LMTK2: variants seen among roughly 807,000 people sequenced by gnomAD.
LMTK2 encodes the protein serine/threonine-protein kinase LMTK2.
Under a neutral mutation model 127.5 loss-of-function variants are expected in LMTK2, and 37 were observed. That is an observed-to-expected ratio of 0.29 (90% CI 0.22 to 0.38). The LOEUF (loss-of-function observed/expected upper bound fraction) is 0.38. Among genes scored for constraint, LMTK2 ranks in the 10% least tolerant of loss-of-function variants. LMTK2 has a pLI of 1.00. For missense variants in LMTK2, 1,694 were observed against 1,920.3 expected, an observed-to-expected ratio of 0.88 and a Z score of 2.20; for synonymous variants, 819 against 810.1, an observed-to-expected ratio of 1.01 and a Z score of -0.19.
chr7:98,177,459 T>C (rs1466599002), intron 7 of LMTK2, among the ~76,000 whole-genome samples: 3 of 152,196 alleles, frequency 2.0e-5, no homozygotes, highest in Non-Finnish European at 2.9e-5. Flanking sequence ...GCCAGTTCAC[T>C]CAAAGAATTC....
intron 7 of LMTK2, among the ~76,000 whole-genome samples, chr7:98,180,578 G>A (rs1036614860): frequency 6.6e-6 from 1 of 152,144 alleles, no homozygotes; most frequent in African/African-American, 2.4e-5. Context: ...TAATTGTTCT[G>A]TGTCTTGAAA....
intron 3 of LMTK2, among the ~76,000 whole-genome samples, chr7:98,148,881 C>T (rs953533259): frequency 5.9e-5 from 9 of 152,170 alleles, no homozygotes; most frequent in Admixed American, 4.6e-4. Context: ...TTTCTGAGTA[C>T]GCATCCTGCC....
chr7:98,181,865 G>T (rs754353585), intron 7 of LMTK2, among the ~76,000 whole-genome samples: 3 of 152,104 alleles, frequency 2.0e-5, no homozygotes, highest in Non-Finnish European at 4.4e-5. Context: ...CACCATGTTG[G>T]CCAGGAAGGT....
chr7:98,135,820 A>G (rs551694449), intron 1 of LMTK2, among the ~76,000 whole-genome samples: 82 of 152,206 alleles, frequency 5.4e-4, no homozygotes, highest in Non-Finnish European at 9.6e-4. Flanking sequence ...AGGCGGTAAA[A>G]TATTTTAGGC....
At chr7:98,122,726 G>GTGTGTGTGTGTA (rs1416979353) in intron 1 of LMTK2, among the ~76,000 whole-genome samples, 1 of 14,246 alleles carries the variant, frequency 7.0e-5, no homozygotes, top group African/African-American at 1.8e-4. Context: ...GTGTGTGTGT[G>GTGTGTGTGTGTA]TATATATATA....
intron 11 of LMTK2, among the ~76,000 whole-genome samples, chr7:98,202,816 C>G (rs112843564): frequency 6.6e-6 from 1 of 152,182 alleles, no homozygotes; most frequent in East Asian, 1.9e-4. Flanking sequence ...CCTTTTTGAG[C>G]TCCTCCCTCT....
intron 1 of LMTK2, among the ~76,000 whole-genome samples, chr7:98,133,058 A>T (rs1796546153): frequency 6.6e-6 from 1 of 152,250 alleles, no homozygotes; most frequent in African/African-American, 2.4e-5. Context: ...GGTAGCTATT[A>T]AAATGCTTTG....
At chr7:98,197,133 C>T (rs1378101879) in intron 11 of LMTK2, among the ~76,000 whole-genome samples, 1 of 152,364 alleles carries the variant, frequency 6.6e-6, no homozygotes, top group East Asian at 1.9e-4. Flanking sequence ...GTCAGTTCAG[C>T]AAATACTTAA....
In LMTK2 at chr7:98,154,868, A is replaced by G. The variant is rs969982552; in HGVS notation, c.561A>G (p.Glu187=). Residue 187 remains glutamate, a synonymous_variant, in exon 5 of 14, where the codon GAA becomes GAG. Transcript: ENST00000297293. ...AAGATACTTTTTTGAAAAATGGAGAACCTTACTAGTAAGTAAACCTTGTCA... is the reference window on the plus strand; with the variant it reads ...AAGATACTTTTTTGAAAAATGGAGAGCCTTACTAGTAAGTAAACCTTGTCA... The part of the protein sequence containing the change: ...KEQDTFLKNG[E]PYYILQHPNI... The G allele has an allele frequency of 6.3e-7, 1 of 1,578,962 alleles. No homozygotes were observed. Among genetic ancestry groups the G allele is most frequent in the African/African-American group, 1.3e-5 (1 of 74,296 alleles).
Position 98,194,092 on chromosome 7 carries a change from TAGC to T in LMTK2, c.3631_3633del (p.Ser1211del), listed in dbSNP as rs769792779. The stretch of plus-strand genomic sequence containing the variant: ...CCTGGAGTGTGCTGAATGCAGAACT[TAGC>T]AGCGGCGATGACTTCGAGACACAGG... On this transcript the variant is annotated inframe_deletion, in exon 11 of 14. Transcript: ENST00000297293. This position sits in a 1 kb window ranked among gnomAD's most constrained non-coding sequence, Gnocchi z 5.4. 6.8e-6 allele frequency: 11 copies of T among 1,614,040 alleles called. No homozygotes were observed. The highest frequency in any genetic ancestry group is 5.5e-5 in the South Asian group (5 of 91,078).
At position 98,192,629 on chromosome 7, in the gene LMTK2, A is replaced by G. The variant is rs1797549157; in HGVS notation, c.2164A>G (p.Asn722Asp). ...DPLNVQELSENFLFLQEKNLL... is the reference protein window; with the variant it reads ...DPLNVQELSEDFLFLQEKNLL... ...ATTGAATGTTCAAGAATTGTCAGAA[A>G]ACTTTTTATTTCTTCAAGAGAAAAA... Residue 722 changes from asparagine (N) to aspartate (D), a missense_variant, in exon 11 of 14, where the codon AAC (asparagine) becomes GAC (aspartate). Physicochemically the swap from Asn to Asp is conservative, Grantham distance 23 (BLOSUM62 1). Around this residue, in one of 8 missense-constraint regions of LMTK2, gnomAD observed 527 missense variants for 539.8 expected, o/e 0.98. Transcript: ENST00000297293. 3 of 1,612,380 alleles carry G rather than the reference A, an allele frequency of 1.9e-6. No homozygotes were observed. The highest frequency in any genetic ancestry group is 2.2e-5 in the South Asian group (2 of 90,448).
intron 13 of LMTK2, 99 bp downstream of exon 13, chr7:98,204,285 T>G (rs1797756030): frequency 6.9e-7 from 1 of 1,451,128 alleles, no homozygotes; most frequent in Non-Finnish European, 9.4e-7. Context: ...ATCTCATGTC[T>G]TCTTCACATT....
At chr7:98,117,305 G>T (rs2116324085) in intron 1 of LMTK2, among the ~76,000 whole-genome samples, 1 of 152,030 alleles carries the variant, frequency 6.6e-6, no homozygotes, top group East Asian at 1.9e-4. Flanking sequence ...GTCCAAACTG[G>T]AGTGCAGTAG....
rs546796551 is a variant in LMTK2 at position 98,113,880 on chromosome 7, A to G, written c.103+6600A>G. On this transcript the variant is annotated intron_variant, in intron 1 of 13. Coordinates refer to ENST00000297293, the MANE Select transcript of LMTK2 (RefSeq NM_014916.4). ...TTCGGAGCCCTGCCTTGGCATTACA[A>G]TTGTTTGTCACAAAGAGCAGGCATA... is the stretch of plus-strand genomic sequence containing the variant. Among the ~76,000 whole-genome samples, 5 of 152,150 alleles carry G rather than the reference A, an allele frequency of 3.3e-5. No homozygotes were observed. The East Asian group carries it at 5.8e-4, about 18-fold the overall frequency.
intron 1 of LMTK2, among the ~76,000 whole-genome samples, chr7:98,115,498 C>A (rs1360314983): frequency 1.3e-5 from 2 of 151,968 alleles, no homozygotes; most frequent in African/African-American, 4.8e-5. Flanking sequence ...GAAATTACTG[C>A]TGGCTGAAAT....
chr7:98,157,057 G>A (rs1369225921), intron 5 of LMTK2, among the ~76,000 whole-genome samples: 2 of 152,130 alleles, frequency 1.3e-5, no homozygotes, highest in African/African-American at 2.4e-5. Flanking sequence ...AGACCAGCCT[G>A]GGCAATGTGG....
intron 6 of LMTK2, among the ~76,000 whole-genome samples, chr7:98,163,935 A>T (rs1005611169): frequency 6.6e-6 from 1 of 152,236 alleles, no homozygotes; most frequent in African/African-American, 2.4e-5. Context: ...TTAGCAGGTC[A>T]AGAGCGATTG....
At position 98,193,428 on chromosome 7, in the gene LMTK2, C is replaced by T. The variant is rs1797568194; in HGVS notation, c.2963C>T (p.Pro988Leu). ...GAGGACAGCTTGTCAGCACCCTTCC[C>T]AGCCTCTGAGCCGTCCCTGGAAACC... ...LLEDSLSAPF[P>L]ASEPSLETPD... The change falls in exon 11 of 14, where the codon CCA becomes CTA. Residue 988 changes from proline to leucine, a missense_variant. This residue lies in a region of LMTK2 where 527 missense variants were observed against 539.8 expected (regional missense o/e 0.98). Coordinates refer to ENST00000297293, the MANE Select transcript of LMTK2 (RefSeq NM_014916.4). The surrounding 1 kb of genome is among the most constrained non-coding windows in gnomAD (Gnocchi z 4.1). 1 of 1,614,206 alleles carries T rather than the reference C, an allele frequency of 6.2e-7. No homozygotes were observed. Among genetic ancestry groups the T allele is most frequent in the Non-Finnish European group, 8.5e-7 (1 of 1,180,030 alleles).
rs1797599234 is a variant in LMTK2 at position 98,194,622 on chromosome 7, C to G, written c.4107+50C>G. 2.0e-6 allele frequency: 3 copies of G among 1,468,748 alleles called. No individual in the cohort carries two copies. The highest frequency in any genetic ancestry group is 2.1e-5 in the Admixed American group (1 of 47,284). The allele number at this position is 1,468,748 out of a possible 1,614,324, so 91.0% of individuals were successfully genotyped here. ...TCTATACACATCCATATAAGGATTCCAAAATGTGCTAGGAAATTGAGTGTG... is the reference window on the plus strand; with the variant it reads ...TCTATACACATCCATATAAGGATTCGAAAATGTGCTAGGAAATTGAGTGTG... On this transcript the variant is annotated intron_variant, in intron 11 of 13. Coordinates refer to ENST00000297293, the MANE Select transcript of LMTK2 (RefSeq NM_014916.4). This position sits in a 1 kb window ranked among gnomAD's most constrained non-coding sequence, Gnocchi z 5.4.
Sources: allele counts gnomAD v4.1 joint callset (sites outside exome capture counted in the v4.1 genomes callset), GRCh38; gene constraint gnomAD v4.1.1; regional missense constraint gnomAD v4.1.1; non-coding constraint Gnocchi (gnomAD v3.1); transcripts MANE v1.5; gene names NCBI Gene and HGNC (gene_info 2026-07-23, HGNC 2026-07-21).